Variants in UGT1A8 observed in about 807,000 individuals in gnomAD.
UGT1A8 encodes UDP-glucuronosyltransferase 1A8.
Under a neutral mutation model 45.3 loss-of-function variants are expected in UGT1A8, and 39 were observed. The observed-to-expected ratio is 0.86, with a 90% CI of 0.67 to 1.12. The LOEUF (loss-of-function observed/expected upper bound fraction) is 1.12. Among genes scored for constraint, UGT1A8 ranks in the 50% most tolerant of loss-of-function variants. The pLI, the probability that UGT1A8 is intolerant of heterozygous loss-of-function variation, is 0.00. For missense variants in UGT1A8, 719 were observed against 664.9 expected (o/e 1.08, Z -0.90); for synonymous variants, 275 against 249.2 (o/e 1.10, Z -0.97).
At chr2:233,719,243 G>T in intron 1 of UGT1A8, 1 of 1,614,206 alleles carries the variant, frequency 6.2e-7, no homozygotes, top group South Asian at 1.1e-5. Context: ...TCAGGCACCT[G>T]AATGCTACTT....
At chr2:233,692,764 A>G (rs902623866) in intron 1 of UGT1A8, 2 of 1,237,922 alleles carry the variant, frequency 1.6e-6, no homozygotes, top group South Asian at 3.4e-5. Flanking sequence ...GGAGCTGAAG[A>G]GAAACACCCA....
intron 1 of UGT1A8, among the ~76,000 whole-genome samples, chr2:233,709,075 C>T (rs1045391498): frequency 6.6e-6 from 1 of 152,098 alleles, no homozygotes; most frequent in Non-Finnish European, 1.5e-5. Flanking sequence ...GTTCTTCTGC[C>T]TCATTGGCTC....
At chr2:233,753,341 CCTG>C (rs138147580) in intron 1 of UGT1A8, 5,646 of 152,328 alleles carry the variant, frequency 0.037, 136 homozygotes, top group Non-Finnish European at 0.057. Context: ...CTGCCATTTT[CCTG>C]CTGTTTATTA....
intron 1 of UGT1A8, among the ~76,000 whole-genome samples, chr2:233,681,651 G>C (rs975743675): frequency 2.6e-5 from 4 of 151,186 alleles, no homozygotes; most frequent in Non-Finnish European, 5.9e-5. Flanking sequence ...CAAAAGCATT[G>C]CTTAATAATT....
chr2:233,713,259 G>A, intron 1 of UGT1A8: 1 of 1,614,246 alleles, frequency 6.2e-7, no homozygotes, highest in Non-Finnish European at 8.5e-7. Context: ...GGACGAATTT[G>A]ATCGCCTTTT....
intron 1 of UGT1A8, chr2:233,729,704 A>T (rs759605345): frequency 1.2e-6 from 2 of 1,613,894 alleles, no homozygotes; most frequent in Non-Finnish European, 1.7e-6. Context: ...CCTTCCTCCT[A>T]TATTCCTAGA....
At chr2:233,709,707 T>A (rs1363464719) in intron 1 of UGT1A8, among the ~76,000 whole-genome samples, 1 of 152,230 alleles carries the variant, frequency 6.6e-6, no homozygotes, top group Admixed American at 6.5e-5. Flanking sequence ...TGTTCTTTTT[T>A]AATTGAATGA....
At chr2:233,679,569 G>GT (rs1328684774) in intron 1 of UGT1A8, among the ~76,000 whole-genome samples, 2 of 151,752 alleles carry the variant, frequency 1.3e-5, no homozygotes, top group Non-Finnish European at 2.9e-5. Context: ...GTTTGTTTTT[G>GT]TTTTTTCCAG....
chr2:233,682,671 A>G, intron 1 of UGT1A8: 1 of 1,613,852 alleles, frequency 6.2e-7, no homozygotes, highest in Non-Finnish European at 8.5e-7. Flanking sequence ...TATGATCTCT[A>G]CAGCCACACA....
intron 1 of UGT1A8, chr2:233,742,723 T>C (rs17863795): frequency 0.037 from 5,611 of 152,966 alleles, 153 homozygotes; most frequent in Non-Finnish European, 0.057. Context: ...CTCAGTGATA[T>C]GGGATTCAAA....
Position 233,655,308 on chromosome 2 carries a change from A to G in UGT1A8, c.855+36746A>G, listed in dbSNP as rs551890695. 2.6e-5 allele frequency among the ~76,000 whole-genome samples: 4 copies of G among 152,196 alleles called. No homozygotes were observed. The East Asian group carries it at 7.8e-4, about 30-fold the overall frequency. ...CAACTCTACTCCCCACTAAGTGACA[A>G]CCCATGCAGGTTTGCCCAGATTATT... is the stretch of plus-strand genomic sequence containing the variant. On this transcript the variant is annotated intron_variant, in intron 1 of 4. Coordinates refer to ENST00000373450, the MANE Select transcript of UGT1A8 (RefSeq NM_019076.5).
At position 233,617,753 on chromosome 2, in the gene UGT1A8, C is replaced by G; in HGVS notation, c.46C>G (p.Leu16Val). The change falls in exon 1 of 5, where the codon CTG (leucine) becomes GTG (valine). Residue 16 changes from leucine to valine, a missense_variant. Transcript: ENST00000373450. The stretch of plus-strand genomic sequence containing the variant: ...CAGCCCCATTCCCCTATGTGTTTCT[C>G]TGCTGCTGACCTGTGGCTTTGCTGA... ...WTSPIPLCVS[L>V]LLTCGFAEAG... 2 of 1,614,152 alleles carry G rather than the reference C, an allele frequency of 1.2e-6. No individual in the cohort carries two copies. Among genetic ancestry groups the G allele is most frequent in the Non-Finnish European group, 1.7e-6 (2 of 1,180,034 alleles).
chr2:233,681,363 G>A (rs544380861), intron 1 of UGT1A8, among the ~76,000 whole-genome samples: 13 of 151,672 alleles, frequency 8.6e-5, no homozygotes, highest in South Asian at 2.1e-4. Context: ...GTGAAACCCC[G>A]TCTCCACTAA....
At chr2:233,764,490 G>A (rs1698574986) in intron 1 of UGT1A8, among the ~76,000 whole-genome samples, 2 of 152,164 alleles carry the variant, frequency 1.3e-5, no homozygotes, top group South Asian at 4.1e-4. Flanking sequence ...AATGTTTATG[G>A]ACCTGTGGGT....
intron 1 of UGT1A8, among the ~76,000 whole-genome samples, chr2:233,696,060 C>T (rs766076590): frequency 2.6e-5 from 4 of 152,240 alleles, no homozygotes; most frequent in Admixed American, 6.5e-5. Flanking sequence ...TAAATTAGTA[C>T]AGCCACTATG....
intron 1 of UGT1A8, among the ~76,000 whole-genome samples, chr2:233,688,534 TTACATCACA>T (rs2074899517): frequency 6.6e-6 from 1 of 152,192 alleles, no homozygotes; most frequent in Admixed American, 6.5e-5. Context: ...TGGGTTTGAC[TTACATCACA>T]TGGTCTCTAA....
intron 1 of UGT1A8, among the ~76,000 whole-genome samples, chr2:233,680,798 C>T (rs978800413): frequency 5.9e-5 from 9 of 152,222 alleles, no homozygotes; most frequent in African/African-American, 2.2e-4. Context: ...GGGCCCATAG[C>T]AAAGGCCTGC....
chr2:233,666,287 C>T (rs1252300394), intron 1 of UGT1A8, among the ~76,000 whole-genome samples: 1 of 152,194 alleles, frequency 6.6e-6, no homozygotes, highest in Non-Finnish European at 1.5e-5. Flanking sequence ...TCCTGCTAAG[C>T]CCCACTTTCA....
intron 1 of UGT1A8, among the ~76,000 whole-genome samples, chr2:233,766,353 G>A (rs939799287): frequency 1.3e-5 from 2 of 152,092 alleles, no homozygotes; most frequent in Non-Finnish European, 2.9e-5. Context: ...GTGGCCTGCC[G>A]GTGCCTGTTG....
Sources: gnomAD v4.1 joint callset for allele counts (sites outside exome capture counted in the v4.1 genomes callset) on GRCh38, gnomAD v4.1.1 for gene constraint, MANE v1.5 for transcripts, NCBI Gene and HGNC (gene_info 2026-07-23, HGNC 2026-07-21) for gene names.